TMTC2: variants seen among roughly 807,000 people sequenced by gnomAD.
The protein encoded by TMTC2 is transmembrane O-mannosyltransferase targeting cadherins 2, also known as protein O-mannosyl-transferase TMTC2.
In TMTC2, 43 loss-of-function variants were observed where a neutral mutation model predicts 82.4. That is an observed-to-expected ratio of 0.52 (90% CI 0.41 to 0.67). The LOEUF is 0.67. Among genes scored for constraint, TMTC2 ranks in the 30% least tolerant of loss-of-function variants. The pLI is 0.00. For missense variants in TMTC2, 919 were observed against 1,012.4 expected (o/e 0.91, Z 1.25); for synonymous variants, 408 against 381.9 (o/e 1.07, Z -0.80).
intron 9 of TMTC2, among the ~76,000 whole-genome samples, chr12:83,031,129 T>C (rs749027174): frequency 6.6e-6 from 1 of 152,058 alleles, no homozygotes; most frequent in Non-Finnish European, 1.5e-5. Flanking sequence ...TTTTTTCAAG[T>C]TCAGTGTGGA....
chr12:82,944,209 G>A (rs1419560080), intron 4 of TMTC2, among the ~76,000 whole-genome samples: 3 of 152,132 alleles, frequency 2.0e-5, no homozygotes, highest in Non-Finnish European at 4.4e-5. Flanking sequence ...TAATGTGTAT[G>A]TGAATAATAT....
intron 11 of TMTC2, among the ~76,000 whole-genome samples, chr12:83,102,757 A>G (rs1281456697): frequency 1.3e-5 from 2 of 152,138 alleles, no homozygotes; most frequent in Non-Finnish European, 2.9e-5. Context: ...GTTTGAAAAC[A>G]TTTTGAGAGT....
intron 1 of TMTC2, among the ~76,000 whole-genome samples, chr12:82,726,618 C>T (rs1462440631): frequency 1.3e-5 from 2 of 152,102 alleles, no homozygotes; most frequent in East Asian, 3.9e-4. Context: ...TGGTGGCTCA[C>T]GCCTATAATC....
chr12:82,806,719 A>C lies in TMTC2; in HGVS notation c.84-50291A>C, dbSNP rs75956548. 9.2e-5 allele frequency among the ~76,000 whole-genome samples: 14 copies of C among 152,272 alleles called. No individual in the cohort carries two copies. The East Asian group carries it at 2.7e-3, about 29-fold the overall frequency. On this transcript the variant is annotated intron_variant, in intron 1 of 11. Coordinates refer to ENST00000321196, the MANE Select transcript of TMTC2 (RefSeq NM_152588.3). Reference sequence around the variant, plus strand: ...AATATCTTAAGAGAGAAAAAAATATATTCATTGTTCATTAAATAGAAGTGG... The same window carrying C: ...AATATCTTAAGAGAGAAAAAAATATCTTCATTGTTCATTAAATAGAAGTGG...
chr12:82,759,700 A>T (rs80212759), intron 1 of TMTC2: 1 of 152,188 alleles, frequency 6.6e-6, no homozygotes, highest in African/African-American at 2.4e-5. Flanking sequence ...ATGCTTGACA[A>T]TTTTTCTGAG....
At chr12:82,909,343 T>C (rs553663031) in intron 3 of TMTC2, among the ~76,000 whole-genome samples, 10 of 152,230 alleles carry the variant, frequency 6.6e-5, no homozygotes, top group African/African-American at 2.2e-4. Context: ...TGAAGGTTTT[T>C]GTTTGTTTGT....
intron 7 of TMTC2, 46 bp downstream of exon 7, chr12:82,967,043 T>C (rs1010374769): frequency 2.8e-6 from 4 of 1,437,108 alleles, no homozygotes; most frequent in Non-Finnish European, 3.9e-6. Flanking sequence ...CAGGGACCTG[T>C]GGAGAAACAG....
At chr12:82,869,231 A>G (rs1178546638) in intron 2 of TMTC2, among the ~76,000 whole-genome samples, 2 of 152,140 alleles carry the variant, frequency 1.3e-5, no homozygotes, top group South Asian at 4.2e-4. Flanking sequence ...TCATGGGGAA[A>G]TTATTTTAGA....
At chr12:82,973,116 A>G (rs1878519175) in intron 7 of TMTC2, among the ~76,000 whole-genome samples, 1 of 151,928 alleles carries the variant, frequency 6.6e-6, no homozygotes, top group South Asian at 2.1e-4. Flanking sequence ...AAGCATTAAC[A>G]CTCCAGTAGC....
intron 1 of TMTC2, among the ~76,000 whole-genome samples, chr12:82,774,815 T>C (rs1877501350): frequency 6.6e-6 from 1 of 151,784 alleles, no homozygotes; most frequent in Admixed American, 6.6e-5. Flanking sequence ...GAAAGTTGTG[T>C]TTATTACTTC....
chr12:83,062,604 A>G (rs1882785067), intron 11 of TMTC2, among the ~76,000 whole-genome samples: 1 of 151,860 alleles, frequency 6.6e-6, no homozygotes, highest in African/African-American at 2.4e-5. Flanking sequence ...ATGTGAGTGC[A>G]AATAATGGGA....
chr12:83,055,955 G>A (rs1484030814), intron 10 of TMTC2, among the ~76,000 whole-genome samples: 1 of 151,826 alleles, frequency 6.6e-6, no homozygotes, highest in Non-Finnish European at 1.5e-5. Context: ...GGTAAAGCAG[G>A]GGTTAAGGCT....
chr12:83,011,458 A>G (rs1325981960), intron 8 of TMTC2, among the ~76,000 whole-genome samples: 1 of 152,254 alleles, frequency 6.6e-6, no homozygotes, highest in Non-Finnish European at 1.5e-5. Flanking sequence ...AGGACTTGAT[A>G]GTCGTTAACC....
chr12:82,825,421 TAC>T (rs1345218491), intron 1 of TMTC2, among the ~76,000 whole-genome samples: 4 of 152,174 alleles, frequency 2.6e-5, no homozygotes, highest in Admixed American at 2.6e-4. Context: ...GATAAGCCAG[TAC>T]AGGGCCAAGA....
chr12:82,731,797 A>C (rs1347207622), intron 1 of TMTC2, among the ~76,000 whole-genome samples: 1 of 152,210 alleles, frequency 6.6e-6, no homozygotes, highest in Non-Finnish European at 1.5e-5. Context: ...TCAATTTTAC[A>C]TGGAATGGTT....
chr12:82,899,574 A>AAG (rs1873860075), intron 3 of TMTC2, among the ~76,000 whole-genome samples: 1 of 126,196 alleles, frequency 7.9e-6, no homozygotes, highest in Non-Finnish European at 1.6e-5. Context: ...ATATATGTGG[A>AAG]ATATATATAT....
intron 2 of TMTC2, among the ~76,000 whole-genome samples, chr12:82,878,154 T>C (rs1848441): frequency 0.15 from 22,152 of 152,168 alleles, 4,939 homozygotes; most frequent in African/African-American, 0.48. Context: ...CATGATGTGT[T>C]TCTTCTGTGC....
chr12:82,883,267 T>C (rs1005170769), intron 2 of TMTC2, among the ~76,000 whole-genome samples: 7 of 152,162 alleles, frequency 4.6e-5, no homozygotes, highest in African/African-American at 1.7e-4. Flanking sequence ...ATTTAAATTC[T>C]GTAGAAGACA....
At chr12:82,774,812 G>A (rs997160602) in intron 1 of TMTC2, among the ~76,000 whole-genome samples, 1 of 151,824 alleles carries the variant, frequency 6.6e-6, no homozygotes, top group Non-Finnish European at 1.5e-5. Context: ...CCTGAAAGTT[G>A]TGTTTATTAC....
Sources: allele counts gnomAD v4.1 joint callset (sites outside exome capture counted in the v4.1 genomes callset), GRCh38; gene constraint gnomAD v4.1.1; transcripts MANE v1.5; gene names NCBI Gene and HGNC (gene_info 2026-07-23, HGNC 2026-07-21).